Variants in BEND6 observed in about 807,000 individuals in gnomAD.
BEND6 encodes BEN domain-containing protein 6.
In BEND6, 24 loss-of-function variants were observed where a neutral mutation model predicts 31.8. The ratio of observed to expected loss-of-function variants is 0.75; its 90% confidence interval spans 0.55 to 1.06. The LOEUF (loss-of-function observed/expected upper bound fraction) is 1.06. BEND6 is among the 50% of genes least tolerant of loss of function. The pLI is 0.00. For missense variants in BEND6, 294 were observed against 327.4 expected, an observed-to-expected ratio of 0.90 and a Z score of 0.79; for synonymous variants, 109 against 114.6, an observed-to-expected ratio of 0.95 and a Z score of 0.31.
intron 3 of BEND6, among the ~76,000 whole-genome samples, chr6:57,012,432 A>C (rs542599274): frequency 2.0e-5 from 3 of 152,332 alleles, no homozygotes; most frequent in African/African-American, 7.2e-5. Flanking sequence ...TGATTTAGAC[A>C]GGATGTAAAG....
intron 3 of BEND6, chr6:57,009,122 G>A (rs760328917): frequency 2.0e-5 from 3 of 152,146 alleles, no homozygotes; most frequent in Non-Finnish European, 4.4e-5. Context: ...GGATACAAGA[G>A]GCTGGAAAGG....
At chr6:57,025,577 A>C (rs1593037197) in intron 6 of BEND6, among the ~76,000 whole-genome samples, 1 of 152,220 alleles carries the variant, frequency 6.6e-6, no homozygotes. Context: ...CCTGTGGAAC[A>C]CACCTCTTAC....
At chr6:56,973,617 T>C (rs1225156932) in intron 1 of BEND6, among the ~76,000 whole-genome samples, 2 of 152,230 alleles carry the variant, frequency 1.3e-5, no homozygotes, top group Non-Finnish European at 2.9e-5. Context: ...ATGGTAATGA[T>C]GTGAGATGAT....
intron 3 of BEND6, among the ~76,000 whole-genome samples, chr6:57,000,912 A>G (rs1473735546): frequency 6.6e-6 from 1 of 151,082 alleles, no homozygotes; most frequent in Non-Finnish European, 1.5e-5. Context: ...AGAAGTGCAT[A>G]GACCTATAGA....
Position 57,015,678 on chromosome 6 carries a change from A to T in BEND6, c.519+325A>T, listed in dbSNP as rs1363182590. ...AAATTAACCGGACGTGATGACGGGC[A>T]CCTGTAGTCCCAGCTACTTGGGAGG... is the stretch of plus-strand genomic sequence containing the variant. On this transcript the variant is annotated intron_variant, in intron 4 of 6. Coordinates refer to ENST00000370746, the MANE Select transcript of BEND6 (RefSeq NM_152731.3). Among the ~76,000 whole-genome samples the T allele has an allele frequency of 3.3e-5, 5 of 151,592 alleles. No individual in the cohort carries two copies. The East Asian group carries it at 9.7e-4, about 29-fold the overall frequency.
chr6:56,970,659 A>G (rs1265084406), intron 1 of BEND6, among the ~76,000 whole-genome samples: 5 of 152,226 alleles, frequency 3.3e-5, no homozygotes, highest in Non-Finnish European at 7.3e-5. Context: ...ATATATAGCC[A>G]TATTCATAAT....
intron 1 of BEND6, among the ~76,000 whole-genome samples, chr6:56,974,163 A>G (rs1030078994): frequency 1.3e-5 from 2 of 152,224 alleles, no homozygotes; most frequent in Admixed American, 1.3e-4. Flanking sequence ...AGGGGAGAGT[A>G]GAGTACTGTT....
chr6:56,977,306 TG>T (rs1825911641), intron 1 of BEND6, among the ~76,000 whole-genome samples: 1 of 152,230 alleles, frequency 6.6e-6, no homozygotes, highest in Non-Finnish European at 1.5e-5. Flanking sequence ...ACTGCTCAGT[TG>T]TTTTTTATTT....
rs1827912242 is a variant in BEND6 at position 57,026,661 on chromosome 6, C to A, written c.*589C>A. 1 of 152,112 alleles carries A rather than the reference C, an allele frequency of 6.6e-6. No homozygotes were observed. Among genetic ancestry groups the A allele is most frequent in the African/African-American group, 2.4e-5 (1 of 41,410 alleles). The allele number at this position is 152,112 out of a possible 1,614,324, so 9.4% of individuals were successfully genotyped here. A position where few individuals can be genotyped will look rare whatever the true frequency, so the allele number is the denominator to read the frequency against. ...TAAAATTACAGGATTATTCTGTTAT[C>A]TAAAAATGTATAAAATGGGAATATG... On this transcript the variant is annotated 3_prime_UTR_variant, in exon 7 of 7. Coordinates refer to ENST00000370746, the MANE Select transcript of BEND6 (RefSeq NM_152731.3).
At chr6:56,966,778 G>A (rs923025422) in intron 1 of BEND6, among the ~76,000 whole-genome samples, 1 of 152,196 alleles carries the variant, frequency 6.6e-6, no homozygotes. Flanking sequence ...GCACTTGGTT[G>A]TTTTGCCAGG....
At chr6:56,962,533 A>C (rs1329338546) in intron 1 of BEND6, among the ~76,000 whole-genome samples, 1 of 152,208 alleles carries the variant, frequency 6.6e-6, no homozygotes, top group Non-Finnish European at 1.5e-5. Context: ...CATAACATTC[A>C]TGCATTCCAC....
chr6:56,981,438 T>C (rs1826063733), intron 1 of BEND6, among the ~76,000 whole-genome samples: 1 of 152,196 alleles, frequency 6.6e-6, no homozygotes, highest in South Asian at 2.1e-4. Context: ...ATAATATAAC[T>C]GTTTGACAAG....
chr6:56,957,097 G>A (rs531901782), intron 1 of BEND6, among the ~76,000 whole-genome samples: 7 of 152,216 alleles, frequency 4.6e-5, no homozygotes, highest in Non-Finnish European at 7.4e-5. Flanking sequence ...TGCCCCAAAC[G>A]CTATATTTTT....
intron 1 of BEND6, among the ~76,000 whole-genome samples, chr6:56,957,045 T>C (rs1374739058): frequency 2.0e-5 from 3 of 152,220 alleles, no homozygotes; most frequent in African/African-American, 7.2e-5. Context: ...TACGTATCCT[T>C]GAACAGAAAC....
chr6:57,015,010 A>G, intron 3 of BEND6, 123 bp from the exon 4 acceptor site: 1 of 705,392 alleles, frequency 1.4e-6, no homozygotes, highest in Non-Finnish European at 2.3e-6. Flanking sequence ...TTTATTTTCC[A>G]AAGATAGCAA....
Position 56,963,424 on chromosome 6 carries a change from AC to A in BEND6, c.-101+7967del, listed in dbSNP as rs1225033961. Among the ~76,000 whole-genome samples, 7 of 152,162 alleles carry A rather than the reference AC, an allele frequency of 4.6e-5. No homozygotes were observed. The South Asian group carries it at 6.2e-4, about 14-fold the overall frequency. ...CTTTGTATTAAAAAATTATAGTTTCACCCTTACCATTTCATTGCCATGTCTC... is the reference window on the plus strand; with the variant it reads ...CTTTGTATTAAAAAATTATAGTTTCACCTTACCATTTCATTGCCATGTCTC... On this transcript the variant is annotated intron_variant, in intron 1 of 6. Transcript: ENST00000370746.
At chr6:57,022,723 G>A (rs574670961) in intron 6 of BEND6, among the ~76,000 whole-genome samples, 2 of 149,396 alleles carry the variant, frequency 1.3e-5, no homozygotes, top group South Asian at 2.2e-4. Flanking sequence ...TACACCATTA[G>A]GTTGTTTATT....
chr6:57,013,515 G>GT (rs1265795602), intron 3 of BEND6, among the ~76,000 whole-genome samples: 2 of 152,198 alleles, frequency 1.3e-5, no homozygotes, highest in Non-Finnish European at 2.9e-5. Context: ...GTTGAACTCA[G>GT]TCTCTAAATC....
In BEND6 at chr6:56,975,523, A is replaced by G. The variant is rs138256677; in HGVS notation, c.-100-6188A>G. 7.8e-3 allele frequency: 1,603 copies of G among 205,172 alleles called. 28 individuals carry two copies. Among genetic ancestry groups the G allele is most frequent in the African/African-American group, 0.035 (1,474 of 42,464 alleles). The allele number at this position is 205,172 out of a possible 1,614,324, so 12.7% of individuals were successfully genotyped here. On this transcript the variant is annotated intron_variant, in intron 1 of 6. Transcript: ENST00000370746. Reference sequence around the variant, plus strand: ...TGCTCTTCATTCTTTTCCACATTTCATATTAGAGGATTGGTACAGCCTTTA... The same window carrying G: ...TGCTCTTCATTCTTTTCCACATTTCGTATTAGAGGATTGGTACAGCCTTTA...
Sources: allele counts gnomAD v4.1 joint callset (sites outside exome capture counted in the v4.1 genomes callset), GRCh38; gene constraint gnomAD v4.1.1; transcripts MANE v1.5; gene names NCBI Gene and HGNC (gene_info 2026-07-23, HGNC 2026-07-21).